TAFA1: variants seen among roughly 807,000 people sequenced by gnomAD.
The protein encoded by TAFA1 is TAFA chemokine like family member 1, also known as chemokine-like protein TAFA-1.
A neutral mutation model predicts 18.5 loss-of-function variants in TAFA1; 4 were observed. That is an observed-to-expected ratio of 0.22 (90% confidence interval 0.11 to 0.49). The LOEUF is 0.49. Among genes scored for constraint, TAFA1 ranks in the 20% least tolerant of loss-of-function variants. TAFA1 has a pLI of 0.98. For synonymous variants in TAFA1, 56 were observed against 55.2 expected (o/e 1.01, Z -0.06); for missense variants, 147 against 169.0 (o/e 0.87, Z 0.72).
chr3:68,402,799 G>A (rs1282289212), intron 2 of TAFA1, among the ~76,000 whole-genome samples: 3 of 152,268 alleles, frequency 2.0e-5, no homozygotes, highest in Non-Finnish European at 2.9e-5. Context: ...AGTTCTGCAC[G>A]GAAGACATGG....
intron 2 of TAFA1, among the ~76,000 whole-genome samples, chr3:68,116,212 G>A (rs2065322984): frequency 6.6e-6 from 1 of 152,094 alleles, no homozygotes; most frequent in East Asian, 1.9e-4. Flanking sequence ...CCGAGATCGC[G>A]CCACTGCTCT....
chr3:68,293,936 A>C (rs1018762648), intron 2 of TAFA1, among the ~76,000 whole-genome samples: 2 of 152,198 alleles, frequency 1.3e-5, no homozygotes, highest in African/African-American at 4.8e-5. Flanking sequence ...GAACTTGATC[A>C]AAGTGCAGAG....
intron 2 of TAFA1, among the ~76,000 whole-genome samples, chr3:68,305,852 G>C (rs562283405): frequency 6.6e-6 from 1 of 152,066 alleles, no homozygotes. Flanking sequence ...CACATTATTT[G>C]GTGACTCCAC....
intron 2 of TAFA1, among the ~76,000 whole-genome samples, chr3:68,205,554 A>AT (rs939521469): frequency 2.6e-5 from 4 of 151,872 alleles, no homozygotes. Context: ...TTTGATAGCT[A>AT]TGTTACTACA....
intron 2 of TAFA1, among the ~76,000 whole-genome samples, chr3:68,012,234 T>A (rs1338674477): frequency 1.3e-5 from 2 of 152,154 alleles, no homozygotes; most frequent in Non-Finnish European, 2.9e-5. Context: ...ACACTTCCAT[T>A]TCCAGGTGCT....
chr3:68,210,961 CA>C (rs1197128947), intron 2 of TAFA1, among the ~76,000 whole-genome samples: 2 of 151,942 alleles, frequency 1.3e-5, no homozygotes, highest in East Asian at 3.9e-4. Context: ...AGTGCTAAGA[CA>C]ACCCACACAC....
intron 2 of TAFA1, among the ~76,000 whole-genome samples, chr3:68,216,956 C>T (rs138725668): frequency 6.6e-6 from 1 of 152,136 alleles, no homozygotes; most frequent in East Asian, 1.9e-4. Flanking sequence ...ACAAATCTAC[C>T]ATGCAGGAGA....
intron 2 of TAFA1, among the ~76,000 whole-genome samples, chr3:68,144,522 G>GTACCA (rs2065712926): frequency 6.6e-6 from 1 of 152,190 alleles, no homozygotes; most frequent in Non-Finnish European, 1.5e-5. Context: ...GTAGCTATTT[G>GTACCA]TAGATTTCAA....
intron 2 of TAFA1, among the ~76,000 whole-genome samples, chr3:68,315,956 G>A (rs1381678767): frequency 1.3e-5 from 2 of 152,164 alleles, no homozygotes; most frequent in Non-Finnish European, 2.9e-5. Context: ...GAAGGTCAGA[G>A]GAATATGAAT....
intron 2 of TAFA1, among the ~76,000 whole-genome samples, chr3:68,210,392 C>T (rs1393451599): frequency 6.6e-6 from 1 of 151,982 alleles, no homozygotes; most frequent in Non-Finnish European, 1.5e-5. Context: ...CTCTTGTGAT[C>T]AAGGGCTTTG....
intron 2 of TAFA1, among the ~76,000 whole-genome samples, chr3:68,386,311 T>G (rs2070102754): frequency 6.6e-6 from 1 of 152,286 alleles, no homozygotes; most frequent in East Asian, 1.9e-4. Flanking sequence ...GACACTACAG[T>G]TCACAATCGT....
intron 2 of TAFA1, among the ~76,000 whole-genome samples, chr3:68,314,377 A>C (rs2068571898): frequency 6.6e-6 from 1 of 152,222 alleles, no homozygotes; most frequent in Non-Finnish European, 1.5e-5. Flanking sequence ...ACTTTGCTAC[A>C]GAGTTACAGC....
the TAFA1 span, among the ~76,000 whole-genome samples, chr3:67,996,229 G>A: frequency 6.6e-6 from 1 of 152,222 alleles, no homozygotes; most frequent in African/African-American, 2.4e-5. Flanking sequence ...AGTGACTGGA[G>A]CATGGTGCAT....
At chr3:68,180,731 G>A (rs1401888611) in intron 2 of TAFA1, among the ~76,000 whole-genome samples, 2 of 148,702 alleles carry the variant, frequency 1.3e-5, no homozygotes, top group Non-Finnish European at 3.0e-5. Context: ...TATGTGTGTG[G>A]TCACCAGAAT....
At chr3:68,447,062 A>G (rs766093147) in intron 3 of TAFA1, among the ~76,000 whole-genome samples, 1 of 152,200 alleles carries the variant, frequency 6.6e-6, no homozygotes, top group African/African-American at 2.4e-5. Context: ...TTTGGAAAAG[A>G]TATTTTTAAA....
chr3:68,097,938 C>T (rs2065106072), intron 2 of TAFA1, among the ~76,000 whole-genome samples: 1 of 152,152 alleles, frequency 6.6e-6, no homozygotes, highest in Non-Finnish European at 1.5e-5. Flanking sequence ...ATAGATCCTA[C>T]TTCCACATTT....
the TAFA1 span, among the ~76,000 whole-genome samples, chr3:67,993,524 A>G: frequency 6.6e-6 from 1 of 152,214 alleles, no homozygotes; most frequent in Admixed American, 6.5e-5. Flanking sequence ...CCTGGAAACT[A>G]TCCAAATTCG....
intron 3 of TAFA1, among the ~76,000 whole-genome samples, chr3:68,434,805 A>G (rs1474354610): frequency 6.6e-6 from 1 of 152,082 alleles, no homozygotes; most frequent in Non-Finnish European, 1.5e-5. Context: ...TGCGGACTTC[A>G]TTTTGCATTG....
At chr3:68,365,653 TAAAG>T (rs979911773) in intron 2 of TAFA1, among the ~76,000 whole-genome samples, 11 of 152,106 alleles carry the variant, frequency 7.2e-5, no homozygotes, top group African/African-American at 2.2e-4. Flanking sequence ...GGGTAATTGA[TAAAG>T]AAAGAGATGT....
Sources: gnomAD v4.1 joint callset for allele counts (sites outside exome capture counted in the v4.1 genomes callset) on GRCh38, gnomAD v4.1.1 for gene constraint, MANE v1.5 for transcripts, NCBI Gene and HGNC (gene_info 2026-07-23, HGNC 2026-07-21) for gene names.